RALYL: variants seen among roughly 807,000 people sequenced by gnomAD.
RALYL encodes RALY RNA binding protein like, also known as RNA-binding Raly-like protein.
In RALYL, 29 loss-of-function variants were observed where a neutral mutation model predicts 35.1. That is an observed-to-expected ratio of 0.83 (90% confidence interval 0.61 to 1.13). The LOEUF is 1.13. Ranked by LOEUF, RALYL falls within the 50% of genes most tolerant of loss-of-function variation. RALYL has a pLI of 0.00. For missense variants in RALYL, 359 were observed against 360.4 expected (o/e 1.00, Z 0.03); for synonymous variants, 120 against 127.6 (o/e 0.94, Z 0.40).
intron 2 of RALYL, among the ~76,000 whole-genome samples, chr8:84,680,299 C>G (rs960237500): frequency 1.3e-5 from 2 of 151,966 alleles, no homozygotes; most frequent in African/African-American, 2.4e-5. Flanking sequence ...GAATAGTGCC[C>G]CAATAAACAT....
intron 2 of RALYL, among the ~76,000 whole-genome samples, chr8:84,575,104 C>CATTT (rs1358448386): frequency 1.3e-5 from 2 of 152,134 alleles, no homozygotes; most frequent in African/African-American, 4.8e-5. Flanking sequence ...TACAGCATTA[C>CATTT]ATTTTTATTC....
chr8:84,729,139 CTT>C, intron 2 of RALYL, among the ~76,000 whole-genome samples: 1 of 152,092 alleles, frequency 6.6e-6, no homozygotes, highest in Admixed American at 6.6e-5. Flanking sequence ...TTTGTATCCT[CTT>C]TTATTTCATT....
chr8:84,676,172 A>G (rs73296197), intron 2 of RALYL, among the ~76,000 whole-genome samples: 3,264 of 152,276 alleles, frequency 0.021, 133 homozygotes, highest in African/African-American at 0.074. Flanking sequence ...ATGAAAGAAT[A>G]TTTTCTCTTT....
intron 1 of RALYL, among the ~76,000 whole-genome samples, chr8:84,501,888 A>T: frequency 6.6e-6 from 1 of 150,938 alleles, no homozygotes; most frequent in East Asian, 1.9e-4. Context: ...CATAAATAAT[A>T]AATTGGGATC....
chr8:84,280,218 C>A (rs1836269735), intron 1 of RALYL, among the ~76,000 whole-genome samples: 1 of 152,068 alleles, frequency 6.6e-6, no homozygotes, highest in Non-Finnish European at 1.5e-5. Flanking sequence ...TGGTATATTT[C>A]AATTTGCCCT....
intron 1 of RALYL, among the ~76,000 whole-genome samples, chr8:84,188,608 A>G (rs1317046006): frequency 6.6e-6 from 1 of 152,156 alleles, no homozygotes; most frequent in South Asian, 2.1e-4. Flanking sequence ...GATTTTGAAA[A>G]CAATATTCAA....
chr8:84,196,423 T>C (rs1815295026), intron 1 of RALYL, among the ~76,000 whole-genome samples: 1 of 152,202 alleles, frequency 6.6e-6, no homozygotes, highest in African/African-American at 2.4e-5. Context: ...AAAAGACATA[T>C]TAAAAAAGTT....
chr8:84,280,282 C>T (rs1836282701), intron 1 of RALYL, among the ~76,000 whole-genome samples: 1 of 152,038 alleles, frequency 6.6e-6, no homozygotes, highest in South Asian at 2.1e-4. Flanking sequence ...CTTGTGATAT[C>T]TTTAAAGTAT....
intron 2 of RALYL, among the ~76,000 whole-genome samples, chr8:84,740,566 G>T (rs1479407129): frequency 6.6e-6 from 1 of 151,978 alleles, no homozygotes; most frequent in Admixed American, 6.6e-5. Flanking sequence ...AGTTTTAAGT[G>T]TGCAATACAG....
At chr8:84,434,813 T>TA (rs1280455893) in intron 1 of RALYL, among the ~76,000 whole-genome samples, 7 of 152,124 alleles carry the variant, frequency 4.6e-5, no homozygotes, top group East Asian at 1.9e-4. Flanking sequence ...TCTGGCAAAT[T>TA]AAAAAAATAT....
intron 2 of RALYL, among the ~76,000 whole-genome samples, chr8:84,768,256 A>G (rs1049703717): frequency 5.9e-5 from 9 of 152,206 alleles, no homozygotes; most frequent in Non-Finnish European, 1.3e-4. Flanking sequence ...TTCAAGGCCA[A>G]CAGCTCTTGA....
intron 3 of RALYL, among the ~76,000 whole-genome samples, chr8:84,789,395 A>C (rs1464729883): frequency 6.6e-6 from 1 of 152,246 alleles, no homozygotes. Flanking sequence ...TGGCAAAGAC[A>C]CTTATGATAC....
At chr8:84,808,709 A>G (rs1424728030) in intron 4 of RALYL, among the ~76,000 whole-genome samples, 2 of 152,112 alleles carry the variant, frequency 1.3e-5, no homozygotes, top group Non-Finnish European at 2.9e-5. Context: ...TTCCTTGTAG[A>G]GGTCTTTTGA....
chr8:84,765,654 G>A (rs1006588402), intron 2 of RALYL, among the ~76,000 whole-genome samples: 6 of 151,962 alleles, frequency 3.9e-5, no homozygotes, highest in African/African-American at 1.2e-4. Context: ...GTAATGTATG[G>A]TTATGTCCGT....
chr8:84,420,296 C>G (rs1330751108), intron 1 of RALYL, among the ~76,000 whole-genome samples: 4,017 of 151,334 alleles, frequency 0.027, 193 homozygotes, highest in African/African-American at 0.093. Flanking sequence ...CTGATGGCCA[C>G]TGATGATGAG....
chr8:84,442,541 T>C (rs1010860917), intron 1 of RALYL, among the ~76,000 whole-genome samples: 26 of 152,206 alleles, frequency 1.7e-4, no homozygotes, highest in African/African-American at 6.3e-4. Flanking sequence ...TCAAGGTGCT[T>C]ACAGTCAAAG....
intron 1 of RALYL, among the ~76,000 whole-genome samples, chr8:84,328,830 G>T (rs1846305109): frequency 6.6e-6 from 1 of 152,022 alleles, no homozygotes; most frequent in South Asian, 2.1e-4. Context: ...CAGTGTTTAG[G>T]TCCTACTTAC....
intron 2 of RALYL, among the ~76,000 whole-genome samples, chr8:84,710,639 A>G (rs139304086): frequency 2.6e-5 from 4 of 152,028 alleles, no homozygotes; most frequent in Non-Finnish European, 4.4e-5. Flanking sequence ...AAATTTCTAT[A>G]TTCTGTCTTA....
At chr8:84,332,263 C>T (rs1846964510) in intron 1 of RALYL, among the ~76,000 whole-genome samples, 1 of 152,150 alleles carries the variant, frequency 6.6e-6, no homozygotes. Flanking sequence ...GATTGCCTCT[C>T]ACATTACCTT....
Sources: gnomAD v4.1 joint callset for allele counts (sites outside exome capture counted in the v4.1 genomes callset) on GRCh38, gnomAD v4.1.1 for gene constraint, MANE v1.5 for transcripts, NCBI Gene and HGNC (gene_info 2026-07-23, HGNC 2026-07-21) for gene names.